MYO5B: variants seen among roughly 807,000 people sequenced by gnomAD.
The protein encoded by MYO5B is myosin VB, also known as unconventional myosin-Vb.
In MYO5B, 143 loss-of-function variants were observed where a neutral mutation model predicts 229.3. The ratio of observed to expected loss-of-function variants is 0.62; its 90% CI spans 0.54 to 0.72. The LOEUF is 0.72. Among genes scored for constraint, MYO5B ranks in the 30% least tolerant of loss-of-function variants. MYO5B has a pLI of 0.00. For missense variants in MYO5B, 2,321 were observed against 2,331.0 expected (o/e 1.00, Z 0.09); for synonymous variants, 918 against 885.2 (o/e 1.04, Z -0.66).
chr18:49,980,040 T>C (rs543320842), intron 9 of MYO5B, among the ~76,000 whole-genome samples: 2 of 152,330 alleles, frequency 1.3e-5, no homozygotes, highest in South Asian at 2.1e-4. Flanking sequence ...ACCTGTCTTG[T>C]CCACCCAATT....
intron 37 of MYO5B, among the ~76,000 whole-genome samples, chr18:49,837,249 A>T (rs566019581): frequency 5.9e-5 from 9 of 152,316 alleles, no homozygotes; most frequent in Middle Eastern, 6.8e-3. Flanking sequence ...TCTCTGACCT[A>T]TCTGCTTTGT....
At chr18:49,965,454 T>TTCTCTCTCTC (rs555133086) in intron 10 of MYO5B, among the ~76,000 whole-genome samples, 84 of 29,248 alleles carry the variant, frequency 2.9e-3, no homozygotes, top group African/African-American at 7.5e-3. Flanking sequence ...CACACTTCTT[T>TTCTCTCTCTC]TCACACACAC....
At chr18:49,869,137 T>C (rs1379717401) in intron 27 of MYO5B, among the ~76,000 whole-genome samples, 2 of 152,028 alleles carry the variant, frequency 1.3e-5, no homozygotes, top group Non-Finnish European at 2.9e-5. Context: ...TCAGGTAGAG[T>C]CTATAATTTT....
chr18:49,842,563 C>G (rs892000156), intron 34 of MYO5B, among the ~76,000 whole-genome samples: 9 of 152,246 alleles, frequency 5.9e-5, no homozygotes, highest in African/African-American at 1.9e-4. Flanking sequence ...AGAAATCCCT[C>G]TCACTGAGGG....
At chr18:49,988,926 T>C (rs2025899774) in intron 7 of MYO5B, among the ~76,000 whole-genome samples, 1 of 152,172 alleles carries the variant, frequency 6.6e-6, no homozygotes, top group Non-Finnish European at 1.5e-5. Flanking sequence ...TTGCAAGCAC[T>C]GACCAGCTGG....
intron 5 of MYO5B, among the ~76,000 whole-genome samples, chr18:49,994,318 G>T (rs1001263462): frequency 1.3e-5 from 2 of 152,206 alleles, no homozygotes; most frequent in South Asian, 4.1e-4. Flanking sequence ...ATATTTAAGT[G>T]AAAGAGTAAA....
intron 1 of MYO5B, among the ~76,000 whole-genome samples, chr18:50,155,952 C>A (rs2032671752): frequency 6.6e-6 from 1 of 152,210 alleles, no homozygotes; most frequent in Non-Finnish European, 1.5e-5. Context: ...TAACTTCTTG[C>A]TGTTCCAGGA....
chr18:49,873,704 C>CA (rs1405518151), intron 26 of MYO5B, among the ~76,000 whole-genome samples: 11 of 152,194 alleles, frequency 7.2e-5, no homozygotes, highest in African/African-American at 2.7e-4. Flanking sequence ...GTCACCTACT[C>CA]AGACTCAAGG....
intron 1 of MYO5B, among the ~76,000 whole-genome samples, chr18:50,107,972 G>T (rs1227595996): frequency 6.6e-6 from 1 of 151,690 alleles, no homozygotes; most frequent in Non-Finnish European, 1.5e-5. Flanking sequence ...GCAGTGGCGT[G>T]ATCTTGGCTC....
At chr18:50,035,243 G>A (rs1193525717) in intron 4 of MYO5B, among the ~76,000 whole-genome samples, 1 of 152,170 alleles carries the variant, frequency 6.6e-6, no homozygotes, top group Non-Finnish European at 1.5e-5. Flanking sequence ...GATGAAGAAT[G>A]GAAACTTCTG....
At chr18:50,026,857 C>T (rs2026336340) in intron 4 of MYO5B, among the ~76,000 whole-genome samples, 1 of 152,172 alleles carries the variant, frequency 6.6e-6, no homozygotes, top group African/African-American at 2.4e-5. Context: ...ATCTTAGAGA[C>T]ACAAACCCTG....
At chr18:50,065,154 TA>T (rs1305513876) in intron 1 of MYO5B, among the ~76,000 whole-genome samples, 2 of 152,206 alleles carry the variant, frequency 1.3e-5, no homozygotes, top group Non-Finnish European at 2.9e-5. Context: ...AGCTGTTCAA[TA>T]AACATTCAAC....
intron 20 of MYO5B, among the ~76,000 whole-genome samples, chr18:49,903,685 A>G (rs1049551799): frequency 3.9e-5 from 6 of 152,210 alleles, no homozygotes; most frequent in Non-Finnish European, 8.8e-5. Flanking sequence ...GTGATCATAG[A>G]AGAGACAGAT....
chr18:49,859,249 G>T (rs924120827), intron 29 of MYO5B, among the ~76,000 whole-genome samples: 2 of 152,154 alleles, frequency 1.3e-5, no homozygotes, highest in Non-Finnish European at 2.9e-5. Context: ...TATCGCAAAG[G>T]TTTCTTCCAG....
chr18:49,837,828 GCTTGCATTCCCCA>G, intron 36 of MYO5B, 26 bp from the exon 37 acceptor site: 1 of 1,613,118 alleles, frequency 6.2e-7, no homozygotes, highest in Non-Finnish European at 8.5e-7. Context: ...AGTTAGAGAA[GCTTGCATTCCCCA>G]CTAACAATGC....
intron 1 of MYO5B, among the ~76,000 whole-genome samples, chr18:50,068,044 TACACAC>T (rs4042092): frequency 1.4e-5 from 2 of 147,874 alleles, no homozygotes; most frequent in African/African-American, 2.6e-5. Context: ...TACACACATA[TACACAC>T]ACACACACAC....
At chr18:49,883,673 GATCTT>G (rs2024612915) in intron 22 of MYO5B, among the ~76,000 whole-genome samples, 1 of 151,554 alleles carries the variant, frequency 6.6e-6, no homozygotes, top group Admixed American at 6.6e-5. Flanking sequence ...ATACCCAAAC[GATCTT>G]GAAGAAGATG....
At position 49,863,315 on chromosome 18, in the gene MYO5B, T is replaced by G. The variant is rs370557489; in HGVS notation, c.3856A>C (p.Asn1286His). 36 of 1,613,696 alleles carry G rather than the reference T, an allele frequency of 2.2e-5. No homozygotes were observed. The Middle Eastern group carries it at 6.9e-4, about 31-fold the overall frequency. Reference sequence around the variant, plus strand: ...CTGTTAGGCCAACTTGATCTGGCATTAATGTTCGGCTCCTAGAAAGCCCCA... The same window carrying G: ...CTGTTAGGCCAACTTGATCTGGCATGAATGTTCGGCTCCTAGAAAGCCCCA... ...LAGRNAEPNI[N>H]ARSSWPNSEK... Residue 1286 changes from asparagine (N) to histidine (H), a missense_variant, in exon 29 of 40, where the codon AAT (asparagine) becomes CAT (histidine). Asn to His is a moderately conservative substitution (Grantham distance 68). Coordinates refer to ENST00000285039, the MANE Select transcript of MYO5B (RefSeq NM_001080467.3).
intron 14 of MYO5B, among the ~76,000 whole-genome samples, chr18:49,939,741 T>C (rs1025194284): frequency 6.6e-6 from 1 of 152,212 alleles, no homozygotes; most frequent in Non-Finnish European, 1.5e-5. Flanking sequence ...CAGAATTTGT[T>C]TCAATACAGA....
Sources: gnomAD v4.1 joint callset for allele counts (sites outside exome capture counted in the v4.1 genomes callset) on GRCh38, gnomAD v4.1.1 for gene constraint, MANE v1.5 for transcripts, NCBI Gene and HGNC (gene_info 2026-07-23, HGNC 2026-07-21) for gene names.